The following PIP4P2 variants were observed in gnomAD, a reference collection of about 807,000 sequenced individuals.
PIP4P2 encodes type 2 phosphatidylinositol 4,5-bisphosphate 4-phosphatase.
Under a neutral mutation model 33.3 loss-of-function variants are expected in PIP4P2, and 19 were observed. That is an observed-to-expected ratio of 0.57 (90% CI 0.40 to 0.84). The LOEUF (loss-of-function observed/expected upper bound fraction) is 0.84, where lower values mean the gene tolerates loss of function less well. PIP4P2 is among the 40% of genes least tolerant of loss of function. The pLI is 0.00. For synonymous variants in PIP4P2, 110 were observed against 111.9 expected, an observed-to-expected ratio of 0.98 and a Z score of 0.11; for missense variants, 270 against 324.7, an observed-to-expected ratio of 0.83 and a Z score of 1.29.
intron 1 of PIP4P2, among the ~76,000 whole-genome samples, chr8:91,023,743 C>A (rs757254026): frequency 2.0e-5 from 3 of 152,114 alleles, no homozygotes; most frequent in Admixed American, 6.5e-5. Context: ...ACTTCACCAG[C>A]GCTTGTCATA....
At chr8:91,032,173 GT>G (rs1812172075) in intron 1 of PIP4P2, among the ~76,000 whole-genome samples, 2 of 152,152 alleles carry the variant, frequency 1.3e-5, no homozygotes, top group African/African-American at 4.8e-5. Flanking sequence ...AAGGGAGTTA[GT>G]TACACAATAC....
chr8:91,021,554 T>C (rs986027069), intron 1 of PIP4P2, 150 bp from the exon 2 acceptor site: 39 of 843,982 alleles, frequency 4.6e-5, no homozygotes, highest in African/African-American at 2.1e-4. Flanking sequence ...ATCTTACTTT[T>C]AGAGCACAAA....
intron 1 of PIP4P2, among the ~76,000 whole-genome samples, chr8:91,034,069 T>A (rs1463219348): frequency 6.6e-6 from 1 of 151,796 alleles, no homozygotes; most frequent in Non-Finnish European, 1.5e-5. Flanking sequence ...TTGCTATCTC[T>A]GAGTTGTCTT....
chr8:91,040,409 CCACCACCAT>C (rs1344628770), intron 1 of PIP4P2, among the ~76,000 whole-genome samples: 2 of 119,388 alleles, frequency 1.7e-5, no homozygotes, highest in African/African-American at 2.6e-5. Context: ...ACCACCACCA[CCACCACCAT>C]CACCACCACC....
chr8:91,030,913 T>C (rs1434474804), intron 1 of PIP4P2, among the ~76,000 whole-genome samples: 2 of 152,238 alleles, frequency 1.3e-5, no homozygotes, highest in Non-Finnish European at 2.9e-5. Flanking sequence ...ATGGTGGTTT[T>C]ACAAAAAAGC....
chr8:91,014,678 A>G (rs971523536), intron 4 of PIP4P2, among the ~76,000 whole-genome samples: 13 of 151,790 alleles, frequency 8.6e-5, no homozygotes, highest in African/African-American at 3.1e-4. Context: ...AATGTACAGT[A>G]TAGTGACTAT....
chr8:91,008,874 TA>T, intron 4 of PIP4P2, 79 bp from the exon 5 acceptor site: 1 of 1,276,054 alleles, frequency 7.8e-7, no homozygotes. Flanking sequence ...TCTTTTACTT[TA>T]AATGTCATCA....
chr8:91,020,328 G>C, intron 2 of PIP4P2, 65 bp from the exon 3 acceptor site: 1 of 1,474,204 alleles, frequency 6.8e-7, no homozygotes, highest in Non-Finnish European at 9.5e-7. Flanking sequence ...AAGTTTGTTT[G>C]TGTTTAAAAA....
At position 91,040,851 on chromosome 8, in the gene PIP4P2, G is replaced by T. The variant is rs1415914089; in HGVS notation, c.-102C>A. On this transcript the variant is annotated 5_prime_UTR_variant, in exon 1 of 7. In the 5' UTR this introduces an upstream ATG that the reference lacks. Transcript: ENST00000285419. ...CTCTGCTGCCGCTGCTGCCGCTGCA[G>T]CTGCTGCTGCTGCCGCCTCCGGGAG... 2 of 1,059,822 alleles carry T rather than the reference G, an allele frequency of 1.9e-6. No homozygotes were observed. Among genetic ancestry groups the T allele is most frequent in the East Asian group, 2.7e-5 (1 of 37,604 alleles). 65.7% of individuals were successfully genotyped at this position (1,059,822 alleles called of 1,614,324 possible). A position where few individuals can be genotyped will look rare whatever the true frequency, so the allele number is the denominator to read the frequency against.
At chr8:91,029,091 G>C (rs986415578) in intron 1 of PIP4P2, among the ~76,000 whole-genome samples, 2 of 152,042 alleles carry the variant, frequency 1.3e-5, no homozygotes, top group Non-Finnish European at 2.9e-5. Context: ...AGCAGTTAGA[G>C]ACCAGCTTGG....
At chr8:91,037,208 G>C (rs1812242586) in intron 1 of PIP4P2, among the ~76,000 whole-genome samples, 1 of 152,222 alleles carries the variant, frequency 6.6e-6, no homozygotes, top group South Asian at 2.1e-4. Flanking sequence ...GGGAAAGAGA[G>C]TCTTCGGAGA....
chr8:91,027,926 A>G (rs1415881954), intron 1 of PIP4P2, among the ~76,000 whole-genome samples: 1 of 152,214 alleles, frequency 6.6e-6, no homozygotes, highest in African/African-American at 2.4e-5. Context: ...CATTATTTAG[A>G]GGAGCACATG....
chr8:91,031,368 T>A (rs1245326238), intron 1 of PIP4P2, among the ~76,000 whole-genome samples: 1 of 152,206 alleles, frequency 6.6e-6, no homozygotes, highest in Non-Finnish European at 1.5e-5. Flanking sequence ...CACTATCATT[T>A]CTCTATATTG....
chr8:91,011,043 TA>T (rs1350296465), intron 4 of PIP4P2, among the ~76,000 whole-genome samples: 7 of 147,866 alleles, frequency 4.7e-5, no homozygotes, highest in Admixed American at 4.7e-4. Flanking sequence ...GATAGATAGA[TA>T]GATAGATAGA....
At chr8:91,031,042 TCATAAAAGAC>T (rs1354345960) in intron 1 of PIP4P2, among the ~76,000 whole-genome samples, 1 of 152,186 alleles carries the variant, frequency 6.6e-6, no homozygotes, top group Non-Finnish European at 1.5e-5. Context: ...TGAAGCTGGG[TCATAAAAGAC>T]CACATGGCTT....
At chr8:91,017,787 G>A (rs1292330329) in intron 4 of PIP4P2, among the ~76,000 whole-genome samples, 1 of 152,054 alleles carries the variant, frequency 6.6e-6, no homozygotes, top group Non-Finnish European at 1.5e-5. Context: ...GACAGGGTAA[G>A]TTAATTATGA....
intron 4 of PIP4P2, chr8:91,016,793 G>A (rs1348219602): frequency 6.6e-6 from 1 of 152,136 alleles, no homozygotes; most frequent in Non-Finnish European, 1.5e-5. Flanking sequence ...TATGTAGCAG[G>A]AAGCCTAAAT....
chr8:91,028,083 G>A (rs1188498009), intron 1 of PIP4P2, among the ~76,000 whole-genome samples: 1 of 152,126 alleles, frequency 6.6e-6, no homozygotes, highest in Non-Finnish European at 1.5e-5. Flanking sequence ...ATACAGGTGG[G>A]TGCATTTATT....
chr8:91,008,901 G>T, intron 4 of PIP4P2, 106 bp from the exon 5 acceptor site: 1 of 889,438 alleles, frequency 1.1e-6, no homozygotes, highest in African/African-American at 1.6e-5. Context: ...CACAACAGAA[G>T]CAATCACCTT....
Sources: allele counts gnomAD v4.1 joint callset (sites outside exome capture counted in the v4.1 genomes callset), GRCh38; gene constraint gnomAD v4.1.1; transcripts MANE v1.5; gene names NCBI Gene and HGNC (gene_info 2026-07-23, HGNC 2026-07-21).